The following GALNTL6 variants were observed in gnomAD, a reference collection of about 807,000 sequenced individuals.
GALNTL6 encodes the protein polypeptide N-acetylgalactosaminyltransferase like 6.
GALNTL6 carries 46 observed loss-of-function variants against 73.7 expected under a neutral mutation model. The ratio of observed to expected loss-of-function variants is 0.62; its 90% confidence interval spans 0.49 to 0.80. GALNTL6 has a LOEUF of 0.80. Ranked by LOEUF, GALNTL6 falls within the 30% of genes least tolerant of loss-of-function variation. The pLI is 0.00. For synonymous variants in GALNTL6, 259 were observed against 263.7 expected, an observed-to-expected ratio of 0.98 and a Z score of 0.17; for missense variants, 604 against 755.0, an observed-to-expected ratio of 0.80 and a Z score of 2.34.
At chr4:172,882,722 T>C in intron 7 of GALNTL6, 68 bp from the exon 8 acceptor site, 1 of 1,068,138 alleles carries the variant, frequency 9.4e-7, no homozygotes, top group Non-Finnish European at 1.5e-6. Flanking sequence ...TTTTACTTTT[T>C]TCCCAAGGAA....
intron 5 of GALNTL6, among the ~76,000 whole-genome samples, chr4:172,536,573 G>C (rs939102714): frequency 6.6e-6 from 1 of 152,190 alleles, no homozygotes; most frequent in Non-Finnish European, 1.5e-5. Flanking sequence ...CTAGAGATCT[G>C]TGGAACTTTG....
chr4:172,414,127 G>A (rs1430829272), intron 5 of GALNTL6, among the ~76,000 whole-genome samples: 1 of 151,970 alleles, frequency 6.6e-6, no homozygotes, highest in African/African-American at 2.4e-5. Flanking sequence ...TGATCACAAG[G>A]TAAGATGTAT....
chr4:172,958,227 G>C (rs1579707886), intron 10 of GALNTL6, among the ~76,000 whole-genome samples: 1 of 152,334 alleles, frequency 6.6e-6, no homozygotes. Flanking sequence ...AAAGTATTAG[G>C]GCAGCATCAG....
chr4:172,402,624 G>A (rs910509244), intron 5 of GALNTL6, among the ~76,000 whole-genome samples: 1 of 151,984 alleles, frequency 6.6e-6, no homozygotes, highest in Non-Finnish European at 1.5e-5. Flanking sequence ...CAAAAAGACT[G>A]TTGTTTTTTA....
intron 2 of GALNTL6, among the ~76,000 whole-genome samples, chr4:172,187,205 A>G (rs1046564777): frequency 6.6e-6 from 1 of 152,102 alleles, no homozygotes; most frequent in Non-Finnish European, 1.5e-5. Context: ...CTATTTTTCT[A>G]TCATGGTAAT....
chr4:172,563,353 A>T (rs1344414969), intron 5 of GALNTL6, among the ~76,000 whole-genome samples: 2 of 117,876 alleles, frequency 1.7e-5, no homozygotes, highest in African/African-American at 5.0e-5. Context: ...GCCCAAAATG[A>T]CCAACTGTCA....
intron 2 of GALNTL6, among the ~76,000 whole-genome samples, chr4:171,986,987 A>AGAAAG (rs1740115788): frequency 6.6e-6 from 1 of 152,172 alleles, no homozygotes; most frequent in Non-Finnish European, 1.5e-5. Flanking sequence ...TGAGTAGTTG[A>AGAAAG]GAACGGTGAA....
At chr4:172,233,644 A>G (rs1033221659) in intron 3 of GALNTL6, among the ~76,000 whole-genome samples, 8 of 152,140 alleles carry the variant, frequency 5.3e-5, no homozygotes, top group Non-Finnish European at 1.2e-4. Flanking sequence ...TGCTAATACC[A>G]TAATAGCTAA....
chr4:172,907,075 T>C (rs1035672839), intron 8 of GALNTL6, among the ~76,000 whole-genome samples: 3 of 152,138 alleles, frequency 2.0e-5, no homozygotes, highest in African/African-American at 7.2e-5. Context: ...CTGAAAATTC[T>C]GTCAACCACA....
intron 5 of GALNTL6, among the ~76,000 whole-genome samples, chr4:172,568,523 G>A (rs977776251): frequency 4.6e-5 from 7 of 151,956 alleles, no homozygotes; most frequent in Non-Finnish European, 1.0e-4. Context: ...TTGGGAGGCC[G>A]AGGCGGGCGG....
At chr4:171,851,466 G>C (rs1389947771) in intron 2 of GALNTL6, among the ~76,000 whole-genome samples, 1 of 152,170 alleles carries the variant, frequency 6.6e-6, no homozygotes, top group Non-Finnish European at 1.5e-5. Context: ...CTGAGAGACT[G>C]TTATATATTA....
intron 5 of GALNTL6, among the ~76,000 whole-genome samples, chr4:172,654,467 C>T (rs888518704): frequency 6.6e-6 from 1 of 152,172 alleles, no homozygotes. Flanking sequence ...TGCTATCTTA[C>T]TAGAGTATTT....
chr4:172,403,242 G>A (rs1744102465), intron 5 of GALNTL6, among the ~76,000 whole-genome samples: 1 of 151,862 alleles, frequency 6.6e-6, no homozygotes, highest in Non-Finnish European at 1.5e-5. Context: ...GAAAACTATA[G>A]AATGGGATCT....
chr4:172,334,281 G>C (rs1244959395), intron 4 of GALNTL6, among the ~76,000 whole-genome samples: 2 of 152,124 alleles, frequency 1.3e-5, no homozygotes, highest in Non-Finnish European at 2.9e-5. Context: ...TTCTAATTCT[G>C]TGAAAAATGG....
At chr4:172,167,482 A>G (rs960938080) in intron 2 of GALNTL6, among the ~76,000 whole-genome samples, 2 of 152,256 alleles carry the variant, frequency 1.3e-5, no homozygotes, top group Non-Finnish European at 2.9e-5. Flanking sequence ...AGTAATTGTA[A>G]TGAGTCATTA....
intron 5 of GALNTL6, among the ~76,000 whole-genome samples, chr4:172,654,925 A>G (rs906024859): frequency 2.6e-5 from 4 of 152,208 alleles, no homozygotes; most frequent in Admixed American, 6.5e-5. Flanking sequence ...AGTAGATATC[A>G]TAACTTTACC....
chr4:171,995,506 T>C, intron 2 of GALNTL6, among the ~76,000 whole-genome samples: 1 of 152,084 alleles, frequency 6.6e-6, no homozygotes, highest in African/African-American at 2.4e-5. Context: ...ATGCAATACA[T>C]TTTTTAATGT....
At chr4:172,747,836 T>TC (rs1737195015) in intron 5 of GALNTL6, among the ~76,000 whole-genome samples, 2 of 96,498 alleles carry the variant, frequency 2.1e-5, no homozygotes, top group African/African-American at 6.3e-5. Context: ...CTATTCAGCT[T>TC]CAAAAAAAAA....
chr4:172,435,605 A>T (rs1731607049), intron 5 of GALNTL6, among the ~76,000 whole-genome samples: 1 of 152,178 alleles, frequency 6.6e-6, no homozygotes, highest in African/African-American at 2.4e-5. Context: ...TAATACTAAA[A>T]TATAAGCTCT....
Sources: allele counts gnomAD v4.1 joint callset (sites outside exome capture counted in the v4.1 genomes callset), GRCh38; gene constraint gnomAD v4.1.1; transcripts MANE v1.5; gene names NCBI Gene and HGNC (gene_info 2026-07-23, HGNC 2026-07-21).